The following PIK3IP1 variants were observed in gnomAD, a reference collection of about 807,000 sequenced individuals.
PIK3IP1 encodes phosphoinositide-3-kinase interacting protein 1, also known as phosphoinositide-3-kinase-interacting protein 1.
Under a neutral mutation model 30.7 loss-of-function variants are expected in PIK3IP1, and 28 were observed. That is an observed-to-expected ratio of 0.91 (90% CI 0.68 to 1.25). The LOEUF (loss-of-function observed/expected upper bound fraction) is 1.25. Among genes scored for constraint, PIK3IP1 ranks in the 50% most tolerant of loss-of-function variants. The pLI is 0.00. For missense variants in PIK3IP1, 333 were observed against 346.2 expected, an observed-to-expected ratio of 0.96 and a Z score of 0.30; for synonymous variants, 159 against 140.8, an observed-to-expected ratio of 1.13 and a Z score of -0.91.
intron 1 of PIK3IP1, among the ~76,000 whole-genome samples, chr22:31,291,650 G>C (rs2049180680): frequency 6.6e-6 from 1 of 152,240 alleles, no homozygotes; most frequent in Non-Finnish European, 1.5e-5. Flanking sequence ...AGATGGAGAG[G>C]AGGAGGCCTG....
At chr22:31,292,197 G>A in intron 1 of PIK3IP1, 78 bp downstream of exon 1, 2 of 1,400,410 alleles carry the variant, frequency 1.4e-6, no homozygotes, top group South Asian at 2.3e-5. Context: ...CTGTCATCCT[G>A]GCCCTGTTTG....
At position 31,292,296 on chromosome 22, in the gene PIK3IP1, C is replaced by G; in HGVS notation, c.49G>C (p.Ala17Pro). The change falls in exon 1 of 6, where the codon GCA becomes CCA. Residue 17 changes from alanine to proline, a missense_variant. Physicochemically the swap from Ala to Pro is conservative, Grantham distance 27. Transcript: ENST00000215912. The stretch of plus-strand genomic sequence containing the variant: ...TCACCTCCAGATCCATAGGCTTCTG[C>G]TAGGAGCATGTTGCTGACGAGGAAT... ...QAFLVSNMLL[A>P]EAYGSGGCFW... 1 of 1,614,186 alleles carries G rather than the reference C, an allele frequency of 6.2e-7. No homozygotes were observed. Among genetic ancestry groups the G allele is most frequent in the Non-Finnish European group, 8.5e-7 (1 of 1,180,018 alleles).
intron 5 of PIK3IP1, 106 bp from the exon 6 acceptor site, chr22:31,283,394 A>G (rs2049105625): frequency 6.6e-6 from 8 of 1,217,438 alleles, no homozygotes; most frequent in Non-Finnish European, 9.3e-6. Context: ...TGCCATTGTC[A>G]CAACAAATCA....
chr22:31,286,031 G>T (rs1601459532), intron 5 of PIK3IP1, among the ~76,000 whole-genome samples: 1 of 152,062 alleles, frequency 6.6e-6, no homozygotes, highest in African/African-American at 2.4e-5. Flanking sequence ...AAATTAGCAG[G>T]ACATGGTGGC....
rs375936938 is a variant in PIK3IP1, at chr22:31,289,430, C to T, written c.509-37G>A. The stretch of plus-strand genomic sequence containing the variant: ...AGGACACAAGGTCCCATTAGCCACA[C>T]CCTAGACAATCAGCAAATGACATCT... On this transcript the variant is annotated intron_variant, in intron 4 of 5. Transcript: ENST00000215912. 1.6e-5 allele frequency: 25 copies of T among 1,574,892 alleles called. No homozygotes were observed. In the African/African-American group the frequency reaches 3.0e-4, roughly 19 times the overall value.
intron 5 of PIK3IP1, among the ~76,000 whole-genome samples, chr22:31,283,636 G>A (rs940991515): frequency 6.7e-6 from 1 of 149,214 alleles, no homozygotes; most frequent in African/African-American, 2.5e-5. Flanking sequence ...TCAACATGTT[G>A]CCTAGGCTGG....
Position 31,282,516 on chromosome 22 carries a change from C to T in PIK3IP1, c.*568G>A, listed in dbSNP as rs2049097424. The T allele has an allele frequency of 6.5e-6, 1 of 152,948 alleles. No homozygotes were observed. Among genetic ancestry groups the T allele is most frequent in the Non-Finnish European group, 1.5e-5 (1 of 68,286 alleles). 9.5% of individuals were successfully genotyped at this position (152,948 alleles called of 1,614,324 possible). A position where few individuals can be genotyped will look rare whatever the true frequency, so the allele number is the denominator to read the frequency against. Reference sequence around the variant, plus strand: ...GCACATCATTGCCAGCAAGCTGAAGCATACCAGCAGCCACAACCTAGATCT... The same window carrying T: ...GCACATCATTGCCAGCAAGCTGAAGTATACCAGCAGCCACAACCTAGATCT... On this transcript the variant is annotated 3_prime_UTR_variant, in exon 6 of 6. Coordinates refer to ENST00000215912, the MANE Select transcript of PIK3IP1 (RefSeq NM_052880.5).
intron 1 of PIK3IP1, 115 bp from the exon 2 acceptor site, chr22:31,291,411 AC>A: frequency 1.0e-6 from 1 of 1,002,180 alleles, no homozygotes. Context: ...TGGTTAGGGG[AC>A]CCCGGGCCCT....
Position 31,292,285 on chromosome 22 carries a change from A to C in PIK3IP1, c.60T>G (p.Tyr20Ter), listed in dbSNP as rs763532296. 3 of 1,614,040 alleles carry C rather than the reference A, an allele frequency of 1.9e-6. No homozygotes were observed. Among genetic ancestry groups the C allele is most frequent in the Non-Finnish European group, 2.5e-6 (3 of 1,179,982 alleles). The change falls in exon 1 of 6, where the codon TAT (tyrosine) becomes TAG (stop). Residue 20 changes from tyrosine (Y) to a stop codon, truncating the protein, a stop_gained. Transcript: ENST00000215912. LOFTEE classifies it high-confidence loss of function. ...AGATTGTAATCTCACCTCCAGATCC[A>C]TAGGCTTCTGCTAGGAGCATGTTGC... ...LVSNMLLAEA[Y>*]GSGGCFWDNG...
At chr22:31,284,577 C>T (rs1055792209) in intron 5 of PIK3IP1, among the ~76,000 whole-genome samples, 1 of 152,036 alleles carries the variant, frequency 6.6e-6, no homozygotes, top group Non-Finnish European at 1.5e-5. Flanking sequence ...CACTGACCAT[C>T]AGGCAGCCTA....
At chr22:31,284,964 TTTG>T in intron 5 of PIK3IP1, among the ~76,000 whole-genome samples, 1 of 150,710 alleles carries the variant, frequency 6.6e-6, no homozygotes, top group Middle Eastern at 3.4e-3. Flanking sequence ...CCTCATGGCC[TTTG>T]GCAGAGCTCA....
Position 31,291,184 on chromosome 22 carries a change from C to G in PIK3IP1, c.183G>C (p.Val61=). The G allele has an allele frequency of 6.5e-7, 1 of 1,546,578 alleles. No individual in the cohort carries two copies. Among genetic ancestry groups the G allele is most frequent in the Non-Finnish European group, 8.7e-7 (1 of 1,145,300 alleles). ...CGTCCCCCGGAGGACACTTACCCGA[C>G]ACGGGGGCCGAGGCCAGCCCGCTCT... ...DAQSGLASAP[V]SGAGNHSYCR... Residue 61 remains valine (V), a synonymous_variant, in exon 2 of 6, where the codon GTG becomes GTC. Transcript: ENST00000215912.
intron 3 of PIK3IP1, chr22:31,289,990 G>C (rs1472119445): frequency 8.6e-6 from 3 of 349,694 alleles, no homozygotes; most frequent in Non-Finnish European, 1.6e-5. Flanking sequence ...TCTCGGTTGC[G>C]TTCTTCTGCA....
At chr22:31,292,231 C>T in intron 1 of PIK3IP1, 44 bp downstream of exon 1, 1 of 1,590,684 alleles carries the variant, frequency 6.3e-7, no homozygotes, top group Non-Finnish European at 8.6e-7. Flanking sequence ...TTTACCCCTT[C>T]TGTTTCATGA....
chr22:31,289,909 C>T (rs1457557614), intron 3 of PIK3IP1: 2 of 514,688 alleles, frequency 3.9e-6, no homozygotes, highest in East Asian at 6.3e-5. Flanking sequence ...AGAGGAAGGC[C>T]GTAGGGAAGG....
At chr22:31,283,719 C>G (rs893142788) in intron 5 of PIK3IP1, among the ~76,000 whole-genome samples, 5 of 151,974 alleles carry the variant, frequency 3.3e-5, no homozygotes, top group Non-Finnish European at 7.4e-5. Context: ...GCCACTGCAC[C>G]TGGCCAGATA....
intron 5 of PIK3IP1, among the ~76,000 whole-genome samples, chr22:31,283,680 C>G (rs1377922977): frequency 6.6e-6 from 1 of 151,946 alleles, no homozygotes; most frequent in Non-Finnish European, 1.5e-5. Context: ...ATCCTCCCAC[C>G]CCCCAAAGTA....
rs11427273 is a variant in PIK3IP1 at position 31,287,014 on chromosome 22, C to CTTTTTTTTTTTTTTTTTTTTTTTTTTTT, written c.587+2300_587+2301insAAAAAAAAAAAAAAAAAAAAAAAAAAAA. Among the ~76,000 whole-genome samples, 2 of 98,644 alleles carry CTTTTTTTTTTTTTTTTTTTTTTTTTTTT rather than the reference C, an allele frequency of 2.0e-5. 1 individual carries two copies. Among genetic ancestry groups the CTTTTTTTTTTTTTTTTTTTTTTTTTTTT allele is most frequent in the Non-Finnish European group, 3.9e-5 (2 of 50,876 alleles). 64.7% of individuals were successfully genotyped at this position (98,644 alleles called of 152,430 possible). ...TCAGAGAGTACTAGTCCATTACCCACTTTTTTTTTTTTTTTTTTTTTTTTG... is the reference window on the plus strand; with the variant it reads ...TCAGAGAGTACTAGTCCATTACCCACTTTTTTTTTTTTTTTTTTTTTTTTTTTTTTTTTTTTTTTTTTTTTTTTTTTTG... On this transcript the variant is annotated intron_variant, in intron 5 of 5. Transcript: ENST00000215912.
At position 31,289,383 on chromosome 22, in the gene PIK3IP1, C is replaced by T; in HGVS notation, c.519G>A (p.Leu173=). 1.2e-6 allele frequency: 2 copies of T among 1,609,306 alleles called. No homozygotes were observed. The highest frequency in any genetic ancestry group is 1.7e-6 in the Non-Finnish European group (2 of 1,177,856). Residue 173 remains leucine, a synonymous_variant, in exon 5 of 6, where the codon CTG becomes CTA. Transcript: ENST00000215912. ...TGATGATCACCATCATGGTAATGCC[C>T]AGCACGTAGCCTGCCAAGGATAGGA... ...KKDLGTLGYV[L]GITMMVIIIA...
Sources: gnomAD v4.1 joint callset for allele counts (sites outside exome capture counted in the v4.1 genomes callset) on GRCh38, gnomAD v4.1.1 for gene constraint, MANE v1.5 for transcripts, NCBI Gene and HGNC (gene_info 2026-07-23, HGNC 2026-07-21) for gene names.